The following LETM1 variants were observed in gnomAD, a reference collection of about 807,000 sequenced individuals.
The protein encoded by LETM1 is leucine zipper and EF-hand containing transmembrane protein 1, also known as mitochondrial proton/calcium exchanger protein.
LETM1 carries 50 observed loss-of-function variants against 74.5 expected under a neutral mutation model. The ratio of observed to expected loss-of-function variants is 0.67; its 90% CI spans 0.53 to 0.85. LETM1 has a LOEUF of 0.85. LETM1 is among the 40% of genes least tolerant of loss of function. The pLI, the probability that LETM1 is intolerant of heterozygous loss-of-function variation, is 0.00. For missense variants in LETM1, 824 were observed against 967.8 expected, an observed-to-expected ratio of 0.85 and a Z score of 1.97; for synonymous variants, 446 against 407.1, an observed-to-expected ratio of 1.10 and a Z score of -1.15.
intron 6 of LETM1, among the ~76,000 whole-genome samples, chr4:1,829,035 G>A (rs1206673145): frequency 9.1e-6 from 1 of 109,694 alleles, no homozygotes; most frequent in Non-Finnish European, 1.8e-5. Flanking sequence ...CTGGCCGGGC[G>A]GGAGCTGACC....
At chr4:1,828,280 A>AC (rs1232485632) in intron 6 of LETM1, among the ~76,000 whole-genome samples, 59 of 67,488 alleles carry the variant, frequency 8.7e-4, no homozygotes, top group African/African-American at 3.4e-3. Context: ...CGGGGGGCTG[A>AC]CCCCCCCACC....
chr4:1,832,601 G>A (rs1413129759), intron 6 of LETM1, 143 bp downstream of exon 6: 2 of 701,616 alleles, frequency 2.9e-6, no homozygotes, highest in Non-Finnish European at 4.8e-6. Flanking sequence ...TCTGCAATCT[G>A]CAAGTGGCAA....
intron 2 of LETM1, chr4:1,843,149 TGC>T: frequency 4.8e-6 from 1 of 210,316 alleles, no homozygotes; most frequent in Middle Eastern, 4.7e-4. Flanking sequence ...TACTTACTGC[TGC>T]GTGACCTTAG....
At chr4:1,826,323 G>C (rs1043182326) in intron 6 of LETM1, among the ~76,000 whole-genome samples, 2 of 152,240 alleles carry the variant, frequency 1.3e-5, no homozygotes, top group Non-Finnish European at 2.9e-5. Context: ...ACCCTGTGGG[G>C]TAGACAGTAC....
chr4:1,836,219 AAAATAAATAAAT>A lies in LETM1; in HGVS notation c.738+198_738+209del, dbSNP rs576104116. Among the ~76,000 whole-genome samples, 7 of 152,162 alleles carry A rather than the reference AAAATAAATAAAT, an allele frequency of 4.6e-5. No individual in the cohort carries two copies. The highest frequency in any genetic ancestry group is 1.4e-4 in the African/African-American group (6 of 41,426). ...GGTGACAGAGCGAGACCCTGTTTCAAAAATAAATAAATAAATAAATAAATAACGAAATAAAGA... is the reference window on the plus strand; with the variant it reads ...GGTGACAGAGCGAGACCCTGTTTCAAAAATAAATAAATAACGAAATAAAGA... On this transcript the variant is annotated intron_variant, in intron 4 of 13. Coordinates refer to ENST00000302787, the MANE Select transcript of LETM1 (RefSeq NM_012318.3). The surrounding 1 kb of genome is among the most constrained non-coding windows in gnomAD (Gnocchi z 5.8).
intron 3 of LETM1, among the ~76,000 whole-genome samples, chr4:1,838,544 G>C (rs962737402): frequency 7.2e-5 from 11 of 152,162 alleles, no homozygotes. Context: ...TGGCATGACA[G>C]CGTGCGTCTG....
At chr4:1,845,875 T>C (rs1330543266) in intron 2 of LETM1, among the ~76,000 whole-genome samples, 1 of 150,818 alleles carries the variant, frequency 6.6e-6, no homozygotes, top group African/African-American at 2.4e-5. Flanking sequence ...TTATTTTTTT[T>C]GAGACAGACT....
rs903032948 is a variant in LETM1 at position 1,834,505 on chromosome 4, C to G, written c.876+340G>C. The G allele has an allele frequency of 9.2e-7, 1 of 1,086,574 alleles. No homozygotes were observed. Among genetic ancestry groups the G allele is most frequent in the Admixed American group, 4.9e-5 (1 of 20,272 alleles). 67.3% of individuals were successfully genotyped at this position (1,086,574 alleles called of 1,614,324 possible). ...ACTCCAGCCAGAGGGCAATGCCCAG[C>G]AGAGGAGCCCGGCCAAGCCACCCAC... On this transcript the variant is annotated intron_variant, in intron 5 of 13. Transcript: ENST00000302787. This position sits in a 1 kb window ranked among gnomAD's most constrained non-coding sequence, Gnocchi z 5.0.
chr4:1,850,808 A>T (rs2108857595), intron 1 of LETM1, among the ~76,000 whole-genome samples: 1 of 149,792 alleles, frequency 6.7e-6, no homozygotes, highest in South Asian at 2.1e-4. Context: ...CCACAAAAAT[A>T]AAAAAAAATT....
chr4:1,855,896 G>A lies in LETM1; in HGVS notation c.55C>T (p.Pro19Ser). Residue 19 changes from proline (P) to serine (S), a missense_variant, in exon 1 of 14, where the codon CCG becomes TCG. Pro to Ser is a moderately conservative substitution (Grantham distance 74, BLOSUM62 -1). Transcript: ENST00000302787. ...CGCGGGACGGTGTACCGAGGCGGCG[G>A]CGGGAGGCGGGCGGGCGCCCGGCCG... ...CRGRAPARLPPPPRYTVPRGS... is the reference protein window; with the variant it reads ...CRGRAPARLPSPPRYTVPRGS... 8.1e-7 allele frequency: 1 copy of A among 1,239,938 alleles called. No individual in the cohort carries two copies. Among genetic ancestry groups the A allele is most frequent in the Non-Finnish European group, 1.0e-6 (1 of 994,802 alleles). 76.8% of individuals were successfully genotyped at this position (1,239,938 alleles called of 1,614,324 possible).
chr4:1,851,514 G>T (rs1268643139), intron 1 of LETM1, among the ~76,000 whole-genome samples: 1 of 152,202 alleles, frequency 6.6e-6, no homozygotes, highest in African/African-American at 2.4e-5. Flanking sequence ...CACATTTAGG[G>T]CTTGTAACAG....
chr4:1,840,443 A>G (rs1353026841), intron 3 of LETM1, among the ~76,000 whole-genome samples: 1 of 152,128 alleles, frequency 6.6e-6, no homozygotes, highest in South Asian at 2.1e-4. Flanking sequence ...CGAGGTGGGC[A>G]GATCATGAGG....
intron 11 of LETM1, 89 bp from the exon 12 acceptor site, chr4:1,817,003 T>G: frequency 1.8e-6 from 2 of 1,130,240 alleles, no homozygotes; most frequent in East Asian, 2.4e-5. Flanking sequence ...CCCAGTACTT[T>G]GCAAGGCCAA....
At chr4:1,839,049 A>T (rs1712585035) in intron 3 of LETM1, among the ~76,000 whole-genome samples, 1 of 152,252 alleles carries the variant, frequency 6.6e-6, no homozygotes, top group Admixed American at 6.5e-5. Context: ...GCTGCATTAA[A>T]CAAGATTACT....
Position 1,836,621 on chromosome 4 carries a change from A to G in LETM1, c.595-49T>C. 1 of 1,600,828 alleles carries G rather than the reference A, an allele frequency of 6.2e-7. No homozygotes were observed. The highest frequency in any genetic ancestry group is 8.5e-7 in the Non-Finnish European group (1 of 1,169,916). ...AGGGGAGCAGAGCACATGTGGGAAC[A>G]AGGGCAAGGGGTGTGAGCATTTCTC... On this transcript the variant is annotated intron_variant, in intron 3 of 13. Transcript: ENST00000302787. This position sits in a 1 kb window ranked among gnomAD's most constrained non-coding sequence, Gnocchi z 5.8.
At chr4:1,819,896 C>A (rs1299767295) in intron 10 of LETM1, among the ~76,000 whole-genome samples, 2 of 152,210 alleles carry the variant, frequency 1.3e-5, no homozygotes, top group Non-Finnish European at 2.9e-5. Context: ...TGTCTGACTT[C>A]TCTCACTCAC....
intron 11 of LETM1, among the ~76,000 whole-genome samples, chr4:1,817,176 C>T (rs1711595502): frequency 7.0e-6 from 1 of 142,636 alleles, no homozygotes; most frequent in South Asian, 2.2e-4. Flanking sequence ...ACCCAGGAGG[C>T]AGAGGCTGCA....
At chr4:1,822,956 C>T in intron 9 of LETM1, 32 bp downstream of exon 9, 1 of 1,432,346 alleles carries the variant, frequency 7.0e-7, no homozygotes. Flanking sequence ...TCAGGACAGC[C>T]CCACGCGGCA....
rs1440876610 is a variant in LETM1, at chr4:1,850,642, C to CAAA, written c.83-1434_83-1433insTTT. The stretch of plus-strand genomic sequence containing the variant: ...TGGGCGACAGAGCAAGACTCTGTCT[C>CAAA]AGAAAAAAAAAAAAAAAAAAAAAGA... On this transcript the variant is annotated intron_variant, in intron 1 of 13. Coordinates refer to ENST00000302787, the MANE Select transcript of LETM1 (RefSeq NM_012318.3). Among the ~76,000 whole-genome samples, 620 of 83,082 alleles carry CAAA rather than the reference C, an allele frequency of 7.5e-3. 23 individuals carry two copies. Among genetic ancestry groups the CAAA allele is most frequent in the African/African-American group, 0.028 (579 of 20,898 alleles). 54.5% of individuals were successfully genotyped at this position (83,082 alleles called of 152,430 possible).
Sources: gnomAD v4.1 joint callset for allele counts (sites outside exome capture counted in the v4.1 genomes callset) on GRCh38, gnomAD v4.1.1 for gene constraint, Gnocchi (gnomAD v3.1) non-coding constraint, MANE v1.5 for transcripts, NCBI Gene and HGNC (gene_info 2026-07-23, HGNC 2026-07-21) for gene names.